The following LHFPL3 variants were observed in gnomAD, a reference collection of about 807,000 sequenced individuals.
LHFPL3 encodes the protein LHFPL tetraspan subfamily member 3 protein.
LHFPL3 carries 5 observed loss-of-function variants against 19.3 expected under a neutral mutation model. The observed-to-expected ratio is 0.26, with a 90% CI of 0.14 to 0.54. The LOEUF (loss-of-function observed/expected upper bound fraction) is 0.54, where lower values mean the gene tolerates loss of function less well. LHFPL3 is among the 20% of genes least tolerant of loss of function. LHFPL3 has a pLI of 0.94. For synonymous variants in LHFPL3, 133 were observed against 126.2 expected, an observed-to-expected ratio of 1.05 and a Z score of -0.36; for missense variants, 249 against 307.4, an observed-to-expected ratio of 0.81 and a Z score of 1.42.
intron 2 of LHFPL3, among the ~76,000 whole-genome samples, chr7:104,849,370 A>G (rs1448282004): frequency 6.6e-6 from 1 of 152,204 alleles, no homozygotes; most frequent in Non-Finnish European, 1.5e-5. Context: ...CTGAAGAACC[A>G]GCCAACAGAG....
At chr7:104,570,889 T>C (rs1790219131) in intron 1 of LHFPL3, among the ~76,000 whole-genome samples, 1 of 152,276 alleles carries the variant, frequency 6.6e-6, no homozygotes, top group East Asian at 1.9e-4. Context: ...TAAATGTAAA[T>C]TTACACCCTA....
intron 1 of LHFPL3, among the ~76,000 whole-genome samples, chr7:104,402,569 T>C (rs186706626): frequency 5.8e-4 from 89 of 152,346 alleles, no homozygotes; most frequent in African/African-American, 2.0e-3. Context: ...TGATTACTTA[T>C]GCTACTTCCC....
At chr7:104,448,036 G>C (rs894804050) in intron 1 of LHFPL3, among the ~76,000 whole-genome samples, 1 of 152,030 alleles carries the variant, frequency 6.6e-6, no homozygotes, top group Non-Finnish European at 1.5e-5. Flanking sequence ...CTGAGATACG[G>C]TTTACCTCTA....
chr7:104,562,756 C>G (rs1461026152), intron 1 of LHFPL3, among the ~76,000 whole-genome samples: 6 of 151,570 alleles, frequency 4.0e-5, no homozygotes, highest in African/African-American at 1.2e-4. Context: ...AGGAGAGGCA[C>G]TCTGCTTTTT....
intron 2 of LHFPL3, among the ~76,000 whole-genome samples, chr7:104,838,691 C>T (rs1791142861): frequency 6.6e-6 from 1 of 152,288 alleles, no homozygotes; most frequent in East Asian, 1.9e-4. Flanking sequence ...CTGCTCTGTC[C>T]AATTTCATAC....
chr7:104,829,324 G>A (rs1292270850), intron 2 of LHFPL3, among the ~76,000 whole-genome samples: 1 of 151,478 alleles, frequency 6.6e-6, no homozygotes. Flanking sequence ...TGTCATAGCT[G>A]CTTTTTTTTT....
intron 1 of LHFPL3, among the ~76,000 whole-genome samples, chr7:104,496,849 A>G (rs1165302833): frequency 6.6e-6 from 1 of 152,216 alleles, no homozygotes; most frequent in Non-Finnish European, 1.5e-5. Context: ...AATGGAAAGT[A>G]TTTGTGGGAT....
At chr7:104,458,952 G>A (rs116897407) in intron 1 of LHFPL3, among the ~76,000 whole-genome samples, 24 of 152,332 alleles carry the variant, frequency 1.6e-4, no homozygotes, top group East Asian at 3.9e-4. Context: ...ACTGTCAGCC[G>A]TGGAGGTGGG....
In LHFPL3 at chr7:104,686,815, TG is replaced by T. The variant is rs1256747836; in HGVS notation, c.446-49856del. 2.6e-5 allele frequency among the ~76,000 whole-genome samples: 4 copies of T among 152,198 alleles called. No homozygotes were observed. In the South Asian group the frequency reaches 8.3e-4, roughly 32 times the overall value. ...TAATTGACTCACAGTTCCGCATGGC[TG>T]GGGAGGCCTCAGGAAACTTACAATC... On this transcript the variant is annotated intron_variant, in intron 1 of 2. Transcript: ENST00000424859.
At chr7:104,662,412 T>A (rs1244582229) in intron 1 of LHFPL3, among the ~76,000 whole-genome samples, 2 of 152,194 alleles carry the variant, frequency 1.3e-5, no homozygotes, top group Non-Finnish European at 2.9e-5. Context: ...AGTATGCAAG[T>A]GCTATTATTA....
At chr7:104,329,313 G>C in intron 1 of LHFPL3, 89 bp downstream of exon 1, 1 of 1,459,502 alleles carries the variant, frequency 6.9e-7, no homozygotes, top group Admixed American at 2.3e-5. Flanking sequence ...GGGGCTGTGC[G>C]CGCCGCTGCG....
At chr7:104,796,434 A>G (rs1189606493) in intron 2 of LHFPL3, 1 of 152,196 alleles carries the variant, frequency 6.6e-6, no homozygotes, top group Non-Finnish European at 1.5e-5. Flanking sequence ...CCTAACAGAG[A>G]GTAAATGATT....
At chr7:104,645,287 G>A (rs941226948) in intron 1 of LHFPL3, among the ~76,000 whole-genome samples, 1 of 152,084 alleles carries the variant, frequency 6.6e-6, no homozygotes, top group Admixed American at 6.5e-5. Context: ...GGTTTGCAAA[G>A]ATTAATTTTG....
intron 1 of LHFPL3, among the ~76,000 whole-genome samples, chr7:104,583,464 T>A (rs1790502758): frequency 6.6e-6 from 1 of 152,076 alleles, no homozygotes; most frequent in Non-Finnish European, 1.5e-5. Flanking sequence ...ACAAATGGGA[T>A]CTAATTAAAC....
chr7:104,499,907 A>G (rs531147460), intron 1 of LHFPL3, among the ~76,000 whole-genome samples: 2 of 152,358 alleles, frequency 1.3e-5, no homozygotes, highest in East Asian at 3.9e-4. Flanking sequence ...CTGGAAATAA[A>G]ATAATAAAAC....
At chr7:104,415,700 G>A (rs1469863747) in intron 1 of LHFPL3, among the ~76,000 whole-genome samples, 2 of 152,068 alleles carry the variant, frequency 1.3e-5, no homozygotes, top group Non-Finnish European at 2.9e-5. Context: ...TGACACATAA[G>A]TATTTTTGTA....
At chr7:104,520,150 G>T (rs111411004) in intron 1 of LHFPL3, among the ~76,000 whole-genome samples, 2,411 of 152,014 alleles carry the variant, frequency 0.016, 57 homozygotes, top group African/African-American at 0.056. Context: ...AGAGTTTTTA[G>T]CATGAAGGGT....
chr7:104,424,998 AAAAAAAAG>A lies in LHFPL3; in HGVS notation c.445+95777_445+95784del, dbSNP rs930484923. 1.4e-4 allele frequency among the ~76,000 whole-genome samples: 21 copies of A among 150,796 alleles called. 1 individual carries two copies. Among genetic ancestry groups the A allele is most frequent in the Admixed American group, 6.6e-4 (10 of 15,080 alleles). ...CTCCATCTCATAAAAAAAAAAAAAA[AAAAAAAAG>A]AAGTATCTGACTCAAAATGTCAGTT... On this transcript the variant is annotated intron_variant, in intron 1 of 2. Transcript: ENST00000424859.
At position 104,907,651 on chromosome 7, in the gene LHFPL3, C is replaced by T. The variant is rs1484398020; in HGVS notation, c.*1436C>T. On this transcript the variant is annotated 3_prime_UTR_variant, in exon 3 of 3. Transcript: ENST00000424859. ...CCATGTTCTATACCTAAGGAGAAAA[C>T]ATGGACATGTAGAATGCTTTTATTC... Among the ~76,000 whole-genome samples the T allele has an allele frequency of 2.0e-5, 3 of 152,286 alleles. No homozygotes were observed. The highest frequency in any genetic ancestry group is 2.1e-4 in the South Asian group (1 of 4,826).
Sources: allele counts gnomAD v4.1 joint callset (sites outside exome capture counted in the v4.1 genomes callset), GRCh38; gene constraint gnomAD v4.1.1; transcripts MANE v1.5; gene names NCBI Gene and HGNC (gene_info 2026-07-23, HGNC 2026-07-21).